The following VPS13A variants were observed in gnomAD, a reference collection of about 807,000 sequenced individuals.
VPS13A encodes the protein intermembrane lipid transfer protein VPS13A.
VPS13A carries 264 observed loss-of-function variants against 390.9 expected under a neutral mutation model. The ratio of observed to expected loss-of-function variants is 0.68; its 90% CI spans 0.61 to 0.75. VPS13A has a LOEUF of 0.75. Ranked by LOEUF, VPS13A falls within the 30% of genes least tolerant of loss-of-function variation. VPS13A has a pLI of 0.00. For missense variants in VPS13A, 3,409 were observed against 3,733.9 expected (o/e 0.91, Z 2.27); for synonymous variants, 1,231 against 1,227.1 (o/e 1.00, Z -0.07).
chr9:77,309,455 G>A (rs1828944520), intron 35 of VPS13A, among the ~76,000 whole-genome samples: 2 of 152,102 alleles, frequency 1.3e-5, no homozygotes, highest in South Asian at 2.1e-4. Context: ...TCCAAGACCC[G>A]TCGATGCCTG....
chr9:77,319,738 T>C, intron 42 of VPS13A, 65 bp downstream of exon 42: 1 of 943,326 alleles, frequency 1.1e-6, no homozygotes. Context: ...TTTATTTTTT[T>C]AAGAACAGAT....
At chr9:77,197,022 A>G (rs1485256374) in intron 1 of VPS13A, among the ~76,000 whole-genome samples, 1 of 151,878 alleles carries the variant, frequency 6.6e-6, no homozygotes, top group African/African-American at 2.4e-5. Flanking sequence ...TGTCTTTTTG[A>G]TGATAGCCAG....
In VPS13A at chr9:77,323,166, T is replaced by A; in HGVS notation, c.5930T>A (p.Ile1977Asn). The A allele has an allele frequency of 1.2e-6, 2 of 1,613,594 alleles. No individual in the cohort carries two copies. The highest frequency in any genetic ancestry group is 1.7e-6 in the Non-Finnish European group (2 of 1,179,638). Residue 1977 changes from isoleucine (I) to asparagine (N), a missense_variant, in exon 45 of 72, where the codon ATT becomes AAT. Transcript: ENST00000360280. ...AGAGAGTCTGGCGTTGAAAGATCTA[T>A]TGTTTGTCAAATTGATACAGTAGAA... is the stretch of plus-strand genomic sequence containing the variant. ...RHRESGVERS[I>N]VCQIDTVEGS...
chr9:77,192,975 A>G (rs972313190), intron 1 of VPS13A, among the ~76,000 whole-genome samples: 1 of 152,176 alleles, frequency 6.6e-6, no homozygotes, highest in African/African-American at 2.4e-5. Flanking sequence ...TTCAGGGACA[A>G]CAGTGAGTTG....
At chr9:77,288,229 T>C (rs909842670) in intron 31 of VPS13A, among the ~76,000 whole-genome samples, 2 of 152,218 alleles carry the variant, frequency 1.3e-5, no homozygotes, top group Admixed American at 6.5e-5. Context: ...ATCGATTTTA[T>C]TGATACTTTG....
At chr9:77,368,209 T>C (rs1563965211) in intron 62 of VPS13A, 73 bp downstream of exon 62, 4 of 1,235,216 alleles carry the variant, frequency 3.2e-6, no homozygotes, top group East Asian at 4.9e-5. Flanking sequence ...TATACATATA[T>C]AATGTGGAAC....
rs573767395 is a variant in VPS13A, at chr9:77,275,360, G to C, written c.2513-138G>C. The C allele has an allele frequency of 7.1e-5, 58 of 816,016 alleles. 2 individuals are homozygous for C. The South Asian group carries it at 9.3e-4, about 13-fold the overall frequency. The allele number at this position is 816,016 out of a possible 1,614,324, so 50.5% of individuals were successfully genotyped here. ...TACAGTAATGTCTATATTATTTTCT[G>C]TTTATTTCGGTTCTCATGTTAATAT... On this transcript the variant is annotated intron_variant, in intron 24 of 71. Transcript: ENST00000360280.
At chr9:77,232,070 T>C (rs757738362) in intron 17 of VPS13A, among the ~76,000 whole-genome samples, 5 of 152,212 alleles carry the variant, frequency 3.3e-5, no homozygotes, top group Non-Finnish European at 7.4e-5. Flanking sequence ...GATGTATGTA[T>C]GGCTTTATTT....
chr9:77,359,103 T>C (rs1316707918), intron 57 of VPS13A, among the ~76,000 whole-genome samples: 1 of 152,224 alleles, frequency 6.6e-6, no homozygotes, highest in Non-Finnish European at 1.5e-5. Flanking sequence ...TGCATACTTC[T>C]AAACTGCTAA....
intron 31 of VPS13A, among the ~76,000 whole-genome samples, chr9:77,286,250 C>G (rs1414293723): frequency 5.9e-5 from 9 of 152,268 alleles, no homozygotes; most frequent in East Asian, 1.9e-4. Flanking sequence ...TAGCCACTTT[C>G]TAGCTTGCAG....
rs1835330869 is a variant in VPS13A at position 77,421,276 on chromosome 9, AGTTGCCT to A, written c.*5274_*5280del. The A allele has an allele frequency of 6.6e-6, 1 of 152,212 alleles. No homozygotes were observed. The highest frequency in any genetic ancestry group is 6.5e-5 in the Admixed American group (1 of 15,272). The allele number at this position is 152,212 out of a possible 1,614,324, so 9.4% of individuals were successfully genotyped here. ...TCCCTCTTTTATGTGTGCTTGGCTC[AGTTGCCT>A]GTTACACAGCCTCTGCCTTGGTTTT... On this transcript the variant is annotated 3_prime_UTR_variant, in exon 72 of 72. Coordinates refer to ENST00000360280, the MANE Select transcript of VPS13A (RefSeq NM_033305.3).
At chr9:77,227,102 C>T (rs904582008) in intron 15 of VPS13A, among the ~76,000 whole-genome samples, 9 of 152,084 alleles carry the variant, frequency 5.9e-5, no homozygotes, top group African/African-American at 1.9e-4. Context: ...ACTTTTTATA[C>T]TAAATGTGTT....
At chr9:77,399,117 T>C (rs1198273744) in intron 68 of VPS13A, among the ~76,000 whole-genome samples, 1 of 132,904 alleles carries the variant, frequency 7.5e-6, no homozygotes, top group African/African-American at 2.8e-5. Flanking sequence ...TGTATACATA[T>C]GTAACTAACC....
chr9:77,337,407 C>T lies in VPS13A; in HGVS notation c.6248C>T (p.Pro2083Leu). The T allele has an allele frequency of 1.2e-6, 2 of 1,612,788 alleles. No homozygotes were observed. Among genetic ancestry groups the T allele is most frequent in the Non-Finnish European group, 8.5e-7 (1 of 1,179,078 alleles). Reference protein sequence around the residue: ...SKESFLINIVPEKDNLTSLSV... With the variant: ...SKESFLINIVLEKDNLTSLSV... Reference sequence around the variant, plus strand: ...GAATCATTTCTCATTAATATTGTTCCAGAAAAAGATAATTTAACATCTCTA... The same window carrying T: ...GAATCATTTCTCATTAATATTGTTCTAGAAAAAGATAATTTAACATCTCTA... Residue 2083 changes from proline to leucine, a missense_variant, in exon 47 of 72, where the codon CCA becomes CTA. This residue lies in a region of VPS13A where 2,717 missense variants were observed against 2,917.4 expected (regional missense o/e 0.93). Transcript: ENST00000360280.
At chr9:77,351,481 C>CTT in intron 53 of VPS13A, 35 bp downstream of exon 53, 1 of 1,608,296 alleles carries the variant, frequency 6.2e-7, no homozygotes, top group Non-Finnish European at 8.5e-7. Context: ...TCCCAGCAGC[C>CTT]TTTTTTAAAA....
intron 45 of VPS13A, among the ~76,000 whole-genome samples, chr9:77,326,399 T>G (rs1176245505): frequency 1.3e-5 from 2 of 152,128 alleles, no homozygotes; most frequent in African/African-American, 4.8e-5. Flanking sequence ...GTTAGGGTGT[T>G]TGAACTTGCC....
intron 1 of VPS13A, among the ~76,000 whole-genome samples, chr9:77,198,661 TTCTC>T (rs1282776334): frequency 3.9e-5 from 6 of 152,082 alleles, no homozygotes; most frequent in South Asian, 2.1e-4. Flanking sequence ...CTCTCTCTCT[TTCTC>T]TCTATTTATT....
Position 77,226,580 on chromosome 9 carries a change from C to A in VPS13A, c.1339C>A (p.Pro447Thr), listed in dbSNP as rs1448553306. The change falls in exon 15 of 72, where the codon CCA (proline) becomes ACA (threonine). Residue 447 changes from proline (P) to threonine (T), a missense_variant. Pro to Thr is a conservative substitution (Grantham distance 38). Transcript: ENST00000360280. ...AGAACAAAATACTAATGAACAGCAA[C>A]CAGATGTTCAACCTGAAAGTATGTC... ...WSEQNTNEQQ[P>T]DVQPETLEEM... The A allele has an allele frequency of 6.2e-7, 1 of 1,612,256 alleles. No individual in the cohort carries two copies. The highest frequency in any genetic ancestry group is 8.5e-7 in the Non-Finnish European group (1 of 1,178,988).
intron 19 of VPS13A, among the ~76,000 whole-genome samples, chr9:77,240,439 G>A (rs1161896899): frequency 6.7e-6 from 1 of 148,346 alleles, no homozygotes; most frequent in East Asian, 2.0e-4. Flanking sequence ...GTAAGAATCT[G>A]CTGGTGGCAA....
Sources: allele counts gnomAD v4.1 joint callset (sites outside exome capture counted in the v4.1 genomes callset), GRCh38; gene constraint gnomAD v4.1.1; regional missense constraint gnomAD v4.1.1; transcripts MANE v1.5; gene names NCBI Gene and HGNC (gene_info 2026-07-23, HGNC 2026-07-21).